Variants in UHRF2 observed in about 807,000 individuals in gnomAD.
UHRF2 encodes E3 ubiquitin-protein ligase UHRF2.
UHRF2 carries 23 observed loss-of-function variants against 96.8 expected under a neutral mutation model. The ratio of observed to expected loss-of-function variants is 0.24; its 90% CI spans 0.17 to 0.34. The LOEUF (loss-of-function observed/expected upper bound fraction) is 0.34. Ranked by LOEUF, UHRF2 falls within the 10% of genes least tolerant of loss-of-function variation. The probability of loss-of-function intolerance (pLI) is 1.00; values close to 1 mark genes in which losing one functional copy is unlikely to be tolerated. For synonymous variants in UHRF2, 385 were observed against 332.6 expected (o/e 1.16, Z -1.72); for missense variants, 685 against 981.5 (o/e 0.70, Z 4.04).
intron 15 of UHRF2, among the ~76,000 whole-genome samples, chr9:6,504,992 T>A (rs2130981436): frequency 6.6e-6 from 1 of 152,288 alleles, no homozygotes; most frequent in East Asian, 1.9e-4. Flanking sequence ...GTTTTATATA[T>A]TATAGCGCAA....
intron 5 of UHRF2, among the ~76,000 whole-genome samples, chr9:6,476,440 G>C (rs944877216): frequency 3.9e-5 from 6 of 152,116 alleles, no homozygotes; most frequent in African/African-American, 1.4e-4. Context: ...GAATTTCTGG[G>C]AGGTAATAAA....
chr9:6,456,469 T>A (rs1042566012), intron 3 of UHRF2, among the ~76,000 whole-genome samples: 1 of 152,154 alleles, frequency 6.6e-6, no homozygotes, highest in African/African-American at 2.4e-5. Flanking sequence ...AAATGTTCTC[T>A]CGTTCTGTAG....
chr9:6,484,933 ACAGG>A (rs1824177820), intron 8 of UHRF2, among the ~76,000 whole-genome samples: 1 of 151,328 alleles, frequency 6.6e-6, no homozygotes, highest in Non-Finnish European at 1.5e-5. Flanking sequence ...AGCTGGTATT[ACAGG>A]TATACGTCAC....
intron 2 of UHRF2, among the ~76,000 whole-genome samples, chr9:6,425,399 A>G (rs1038604976): frequency 3.9e-5 from 6 of 152,122 alleles, no homozygotes; most frequent in South Asian, 2.1e-4. Context: ...TACATCTTGT[A>G]TATTTCCTGC....
At chr9:6,482,239 C>G in intron 8 of UHRF2, 140 bp downstream of exon 8, 2 of 711,172 alleles carry the variant, frequency 2.8e-6, no homozygotes, top group East Asian at 5.3e-5. Context: ...GATGGGTGTA[C>G]TCTTCCTGGA....
chr9:6,499,556 C>T (rs1825155152), intron 12 of UHRF2: 1 of 199,802 alleles, frequency 5.0e-6, no homozygotes, highest in African/African-American at 2.3e-5. Context: ...GAAATCTAAT[C>T]ACAACTCCTG....
intron 1 of UHRF2, among the ~76,000 whole-genome samples, chr9:6,417,652 A>G (rs1349420384): frequency 2.0e-5 from 3 of 152,206 alleles, no homozygotes; most frequent in Non-Finnish European, 2.9e-5. Context: ...GTACCTATGA[A>G]TTAGCGAAGG....
chr9:6,504,049 C>T (rs7848831), intron 14 of UHRF2, among the ~76,000 whole-genome samples: 2 of 129,436 alleles, frequency 1.5e-5, no homozygotes, highest in East Asian at 2.2e-4. Context: ...TTTTTAAGAC[C>T]GAGTCTCGCT....
chr9:6,413,751 T>C (rs895133223), intron 1 of UHRF2, 108 bp downstream of exon 1: 10 of 1,267,574 alleles, frequency 7.9e-6, no homozygotes, highest in Non-Finnish European at 1.0e-5. Context: ...AGGGCTCACC[T>C]GGCTCCGCTG....
At chr9:6,493,727 A>T in intron 9 of UHRF2, 99 bp from the exon 10 acceptor site, 1 of 1,034,364 alleles carries the variant, frequency 9.7e-7, no homozygotes, top group East Asian at 2.6e-5. Flanking sequence ...GAAAATGTCA[A>T]CTCATAACAT....
At chr9:6,465,469 G>A (rs182853024) in intron 4 of UHRF2, among the ~76,000 whole-genome samples, 82 of 152,036 alleles carry the variant, frequency 5.4e-4, no homozygotes, top group African/African-American at 1.9e-3. Flanking sequence ...TGGTCAGTTC[G>A]GTTTCTGTAA....
At chr9:6,496,671 C>T (rs1050083821) in intron 10 of UHRF2, 1 of 152,274 alleles carries the variant, frequency 6.6e-6, no homozygotes, top group African/African-American at 2.4e-5. Context: ...TCTCATACAC[C>T]ACTTATTCTT....
chr9:6,473,748 A>G (rs1823390580), intron 4 of UHRF2, among the ~76,000 whole-genome samples: 2 of 152,224 alleles, frequency 1.3e-5, no homozygotes, highest in Admixed American at 6.5e-5. Context: ...TGTTAACAGC[A>G]TGAAACCAGC....
intron 3 of UHRF2, among the ~76,000 whole-genome samples, chr9:6,457,449 C>G (rs189817565): frequency 6.6e-6 from 1 of 152,286 alleles, no homozygotes; most frequent in Non-Finnish European, 1.5e-5. Context: ...ATGTCATCTA[C>G]AAACAGGGAC....
chr9:6,479,303 A>C (rs529490268), intron 6 of UHRF2, among the ~76,000 whole-genome samples: 107 of 152,280 alleles, frequency 7.0e-4, no homozygotes, highest in African/African-American at 2.5e-3. Flanking sequence ...GTCTAAACCT[A>C]AGGGTCAGTT....
chr9:6,485,845 T>C (rs1047985737), intron 8 of UHRF2, among the ~76,000 whole-genome samples: 15 of 137,664 alleles, frequency 1.1e-4, no homozygotes, highest in African/African-American at 3.7e-4. Context: ...CCAAAACCAA[T>C]TGTATGACCA....
At chr9:6,436,319 T>C (rs1820847377) in intron 3 of UHRF2, among the ~76,000 whole-genome samples, 1 of 152,166 alleles carries the variant, frequency 6.6e-6, no homozygotes, top group African/African-American at 2.4e-5. Flanking sequence ...ACATGATAGA[T>C]GGTAATAGTA....
intron 3 of UHRF2, among the ~76,000 whole-genome samples, chr9:6,446,673 G>A (rs7029498): frequency 0.019 from 2,864 of 151,706 alleles, 85 homozygotes; most frequent in African/African-American, 0.064. Context: ...CCAACGTGGT[G>A]AAACCCCGTC....
At chr9:6,447,129 T>A (rs554053623) in intron 3 of UHRF2, among the ~76,000 whole-genome samples, 13 of 152,282 alleles carry the variant, frequency 8.5e-5, no homozygotes, top group African/African-American at 2.4e-4. Flanking sequence ...GACCTCATGA[T>A]CTGCCCGCTT....
Sources: allele counts gnomAD v4.1 joint callset (sites outside exome capture counted in the v4.1 genomes callset), GRCh38; gene constraint gnomAD v4.1.1; transcripts MANE v1.5; gene names NCBI Gene and HGNC (gene_info 2026-07-23, HGNC 2026-07-21).